CYBRD1: variants seen among roughly 807,000 people sequenced by gnomAD.
CYBRD1 encodes plasma membrane ascorbate-dependent reductase CYBRD1.
Under a neutral mutation model 21.9 loss-of-function variants are expected in CYBRD1, and 14 were observed. The observed-to-expected ratio is 0.64, with a 90% CI of 0.42 to 1.00. The LOEUF is 1.00. Ranked by LOEUF, CYBRD1 falls within the 50% of genes least tolerant of loss-of-function variation. The pLI, the probability that CYBRD1 is intolerant of heterozygous loss-of-function variation, is 0.00. For synonymous variants in CYBRD1, 146 were observed against 136.5 expected (o/e 1.07, Z -0.48); for missense variants, 328 against 352.5 (o/e 0.93, Z 0.56).
chr2:171,549,057 A>C (rs960778095), intron 2 of CYBRD1, among the ~76,000 whole-genome samples: 1 of 152,182 alleles, frequency 6.6e-6, no homozygotes, highest in Non-Finnish European at 1.5e-5. Flanking sequence ...GGCATTTAAG[A>C]TGGAAACTTT....
chr2:171,522,759 G>A lies in CYBRD1; in HGVS notation c.193+21G>A, dbSNP rs757599014. The A allele has an allele frequency of 4.3e-6, 7 of 1,612,910 alleles. No individual in the cohort carries two copies. Among genetic ancestry groups the A allele is most frequent in the South Asian group, 2.2e-5 (2 of 90,692 alleles). ...CATCGGTACTGGCACCTCCTGGGGG[G>A]GTGCGGGGAGGAAAGCGGGGAGAAC... On this transcript the variant is annotated intron_variant, in intron 1 of 3. Transcript: ENST00000321348. The surrounding 1 kb of genome is among the most constrained non-coding windows in gnomAD (Gnocchi z 4.3).
At chr2:171,523,104 C>G (rs997903948) in intron 1 of CYBRD1, 4 of 329,976 alleles carry the variant, frequency 1.2e-5, no homozygotes, top group Non-Finnish European at 5.9e-6. Flanking sequence ...GGCGCGATGC[C>G]GGAGCGCCGC....
At chr2:171,531,613 C>G (rs1451785589) in intron 1 of CYBRD1, among the ~76,000 whole-genome samples, 1 of 152,012 alleles carries the variant, frequency 6.6e-6, no homozygotes, top group Non-Finnish European at 1.5e-5. Context: ...CGTCCCAGCT[C>G]AAATTATGAT....
chr2:171,542,665 G>A (rs897549276), intron 2 of CYBRD1, among the ~76,000 whole-genome samples: 5 of 152,180 alleles, frequency 3.3e-5, no homozygotes, highest in African/African-American at 1.2e-4. Flanking sequence ...GATCGCTTAA[G>A]CCCAGACGTT....
chr2:171,541,111 A>G (rs977821182), intron 1 of CYBRD1: 9 of 186,248 alleles, frequency 4.8e-5, no homozygotes, highest in Non-Finnish European at 1.0e-4. Context: ...CATAAATCAG[A>G]TTGTTAAGAT....
In CYBRD1 at chr2:171,554,751, C is replaced by T. The variant is rs1205023133; in HGVS notation, c.785C>T (p.Ser262Leu). 1 of 1,613,946 alleles carries T rather than the reference C, an allele frequency of 6.2e-7. No individual in the cohort carries two copies. Among genetic ancestry groups the T allele is most frequent in the Non-Finnish European group, 8.5e-7 (1 of 1,179,938 alleles). Reference protein sequence around the residue: ...YSGNNMDKSDSELNSEVAARK... With the variant: ...YSGNNMDKSDLELNSEVAARK... Reference sequence around the variant, plus strand: ...GGCAACAACATGGACAAATCAGATTCAGAGTTAAACAGTGAAGTAGCAGCA... The same window carrying T: ...GGCAACAACATGGACAAATCAGATTTAGAGTTAAACAGTGAAGTAGCAGCA... The change falls in exon 4 of 4, where the codon TCA becomes TTA. Residue 262 changes from serine (S) to leucine (L), a missense_variant. Ser to Leu is a moderately radical substitution (Grantham distance 145). Coordinates refer to ENST00000321348, the MANE Select transcript of CYBRD1 (RefSeq NM_024843.4).
upstream of CYBRD1, chr2:171,522,247 G>A (rs1226209118): frequency 1.4e-5 from 22 of 1,550,034 alleles, no homozygotes; most frequent in Non-Finnish European, 1.8e-5. The surrounding 1 kb of genome is among the most constrained non-coding windows in gnomAD (Gnocchi z 4.3). Context: ...AACTAGGTCT[G>A]TTACTGAAGC....
rs2542940 is a variant in CYBRD1 at position 171,556,000 on chromosome 2, T to C, written c.*1173T>C. ...AGGGATGCTTTTTACCTTTTGCTGTTTGCTGTGGCAGATTCCCCAGATAAC... is the reference window on the plus strand; with the variant it reads ...AGGGATGCTTTTTACCTTTTGCTGTCTGCTGTGGCAGATTCCCCAGATAAC... On this transcript the variant is annotated 3_prime_UTR_variant, in exon 4 of 4. Coordinates refer to ENST00000321348, the MANE Select transcript of CYBRD1 (RefSeq NM_024843.4). 82,978 of 152,104 alleles carry C rather than the reference T, an allele frequency of 0.55. 23,656 individuals carry two copies. The highest frequency in any genetic ancestry group is 0.69 in the African/African-American group (28,406 of 41,466). The allele number at this position is 152,104 out of a possible 1,614,324, so 9.4% of individuals were successfully genotyped here.
At chr2:171,547,666 CTTTGT>C (rs1697737137) in intron 2 of CYBRD1, among the ~76,000 whole-genome samples, 1 of 152,026 alleles carries the variant, frequency 6.6e-6, no homozygotes, top group Non-Finnish European at 1.5e-5. Context: ...TGATTTCTTG[CTTTGT>C]TTTGTTTGGT....
chr2:171,555,092 G>T lies in CYBRD1; in HGVS notation c.*265G>T, dbSNP rs942310011. ...TTGAGGACCACAACATTAGCACGGTGCCTTGTGCAGAATAGATACTCAATA... is the reference window on the plus strand; with the variant it reads ...TTGAGGACCACAACATTAGCACGGTTCCTTGTGCAGAATAGATACTCAATA... On this transcript the variant is annotated 3_prime_UTR_variant, in exon 4 of 4. Coordinates refer to ENST00000321348, the MANE Select transcript of CYBRD1 (RefSeq NM_024843.4). The T allele has an allele frequency of 1.6e-5, 8 of 488,092 alleles. No individual in the cohort carries two copies. The highest frequency in any genetic ancestry group is 1.4e-4 in the African/African-American group (7 of 51,316). The allele number at this position is 488,092 out of a possible 1,614,324, so 30.2% of individuals were successfully genotyped here.
Position 171,526,521 on chromosome 2 carries a change from T to G in CYBRD1, c.193+3783T>G, listed in dbSNP as rs191446257. 3.3e-5 allele frequency among the ~76,000 whole-genome samples: 5 copies of G among 151,706 alleles called. No individual in the cohort carries two copies. The East Asian group carries it at 7.8e-4, about 24-fold the overall frequency. ...TTCTAAATTAAAGTATAACAGATCATGGGAAATCTAAAACTAAAATAAAAT... is the reference window on the plus strand; with the variant it reads ...TTCTAAATTAAAGTATAACAGATCAGGGGAAATCTAAAACTAAAATAAAAT... On this transcript the variant is annotated intron_variant, in intron 1 of 3. Coordinates refer to ENST00000321348, the MANE Select transcript of CYBRD1 (RefSeq NM_024843.4).
intron 2 of CYBRD1, among the ~76,000 whole-genome samples, chr2:171,543,204 T>C (rs1697661995): frequency 6.6e-6 from 1 of 152,224 alleles, no homozygotes; most frequent in Non-Finnish European, 1.5e-5. Context: ...GCTCTGGGTC[T>C]AACAAGGCCA....
intron 1 of CYBRD1, among the ~76,000 whole-genome samples, chr2:171,536,397 C>T (rs547667121): frequency 2.0e-5 from 3 of 152,216 alleles, no homozygotes; most frequent in Admixed American, 6.5e-5. Context: ...CTCCGCCTCC[C>T]GGGTTCAAGC....
At chr2:171,536,099 A>G (rs181437273) in intron 1 of CYBRD1, among the ~76,000 whole-genome samples, 9 of 150,798 alleles carry the variant, frequency 6.0e-5, no homozygotes, top group Admixed American at 5.3e-4. Flanking sequence ...CAACCCTTGT[A>G]ACTCCTTTGA....
intron 1 of CYBRD1, among the ~76,000 whole-genome samples, chr2:171,532,657 C>T (rs1001868358): frequency 3.9e-5 from 6 of 152,034 alleles, no homozygotes; most frequent in East Asian, 1.9e-4. Context: ...AAAAATTAGC[C>T]GGGCATGGTG....
rs139269991 is a variant in CYBRD1, at chr2:171,532,673, C to T, written c.194-8912C>T. On this transcript the variant is annotated intron_variant, in intron 1 of 3. Coordinates refer to ENST00000321348, the MANE Select transcript of CYBRD1 (RefSeq NM_024843.4). The stretch of plus-strand genomic sequence containing the variant: ...AAAATTAGCCGGGCATGGTGGTGTG[C>T]ACCTGTAATCCCAGCTATTTGGGAG... Among the ~76,000 whole-genome samples the T allele has an allele frequency of 7.7e-3, 1,160 of 151,434 alleles. 15 individuals are homozygous for T. The highest frequency in any genetic ancestry group is 0.027 in the African/African-American group (1,102 of 41,200).
Position 171,554,756 on chromosome 2 carries a change from T to C in CYBRD1, c.790T>C (p.Leu264=), listed in dbSNP as rs1421861937. 6.2e-7 allele frequency: 1 copy of C among 1,613,808 alleles called. No homozygotes were observed. The highest frequency in any genetic ancestry group is 8.5e-7 in the Non-Finnish European group (1 of 1,179,942). ...CAACATGGACAAATCAGATTCAGAG[T>C]TAAACAGTGAAGTAGCAGCAAGGAA... ...GNNMDKSDSE[L]NSEVAARKRN... is the part of the protein sequence containing the mutation. The change falls in exon 4 of 4, where the codon TTA becomes CTA. Residue 264 remains leucine, a synonymous_variant. Transcript: ENST00000321348.
chr2:171,553,236 T>C (rs1334771165), intron 2 of CYBRD1, 110 bp from the exon 3 acceptor site: 1 of 1,281,102 alleles, frequency 7.8e-7, no homozygotes, highest in Non-Finnish European at 1.1e-6. Context: ...TTCTACCCTT[T>C]GGTTCTATAT....
intron 1 of CYBRD1, among the ~76,000 whole-genome samples, chr2:171,533,102 CACGCCTGT>C (rs964014139): frequency 4.6e-5 from 7 of 152,068 alleles, no homozygotes; most frequent in African/African-American, 1.4e-4. Flanking sequence ...CATGGTGGCT[CACGCCTGT>C]AATCCCAGCA....
Sources: gnomAD v4.1 joint callset for allele counts (sites outside exome capture counted in the v4.1 genomes callset) on GRCh38, gnomAD v4.1.1 for gene constraint, Gnocchi (gnomAD v3.1) non-coding constraint, MANE v1.5 for transcripts, NCBI Gene and HGNC (gene_info 2026-07-23, HGNC 2026-07-21) for gene names.